PEAK1: variants seen among roughly 807,000 people sequenced by gnomAD.
PEAK1 encodes the protein inactive tyrosine-protein kinase PEAK1.
A neutral mutation model predicts 124.7 loss-of-function variants in PEAK1; 54 were observed. The observed-to-expected ratio is 0.43, with a 90% confidence interval of 0.35 to 0.54. The LOEUF (loss-of-function observed/expected upper bound fraction) is 0.54, where lower values mean the gene tolerates loss of function less well. PEAK1 is among the 20% of genes least tolerant of loss of function. PEAK1 has a pLI of 0.01. For synonymous variants in PEAK1, 719 were observed against 760.0 expected (o/e 0.95, Z 0.89); for missense variants, 2,046 against 2,134.5 (o/e 0.96, Z 0.82).
At chr15:77,345,124 G>C (rs1166867857) in intron 2 of PEAK1, among the ~76,000 whole-genome samples, 1 of 152,096 alleles carries the variant, frequency 6.6e-6, no homozygotes, top group Admixed American at 6.6e-5. Flanking sequence ...CTGGATCTTA[G>C]AGCAAAACCT....
At chr15:77,310,842 A>T (rs1191253871) in intron 2 of PEAK1, among the ~76,000 whole-genome samples, 1 of 152,226 alleles carries the variant, frequency 6.6e-6, no homozygotes, top group Non-Finnish European at 1.5e-5. Context: ...GGAATACCAC[A>T]TGCAAAGGTT....
At chr15:77,169,247 AG>A (rs2056337333) in intron 7 of PEAK1, among the ~76,000 whole-genome samples, 1 of 152,200 alleles carries the variant, frequency 6.6e-6, no homozygotes, top group African/African-American at 2.4e-5. Context: ...ATTTAAGCAC[AG>A]GTTGGCAATA....
chr15:77,168,307 C>A (rs1219299942), intron 7 of PEAK1, among the ~76,000 whole-genome samples: 1 of 151,556 alleles, frequency 6.6e-6, no homozygotes, highest in Non-Finnish European at 1.5e-5. Context: ...AGTACCAAAC[C>A]TTTCCAGTAT....
At chr15:77,296,884 C>T (rs529150100) in intron 2 of PEAK1, among the ~76,000 whole-genome samples, 1 of 151,650 alleles carries the variant, frequency 6.6e-6, no homozygotes, top group Non-Finnish European at 1.5e-5. Context: ...GGGACAAGCA[C>T]ACACACAGAA....
At chr15:77,296,951 C>T (rs1415578253) in intron 2 of PEAK1, among the ~76,000 whole-genome samples, 1 of 151,858 alleles carries the variant, frequency 6.6e-6, no homozygotes, top group Non-Finnish European at 1.5e-5. Context: ...AGATCAATCA[C>T]TGTCACATTA....
rs914188380 is a variant in PEAK1 at position 77,268,639 on chromosome 15, C to T, written c.-275+15244G>A. ...TTCTTGGCCTTGCTAGGGATCTAGA[C>T]ATCCAAATACAAAAAGCTCAAAGAA... is the stretch of plus-strand genomic sequence containing the variant. On this transcript the variant is annotated intron_variant, in intron 5 of 9. Coordinates refer to ENST00000682557, the MANE Select transcript of PEAK1 (RefSeq NM_001385026.1). 2.0e-4 allele frequency among the ~76,000 whole-genome samples: 31 copies of T among 152,040 alleles called. 1 individual carries two copies. The highest frequency in any genetic ancestry group is 3.4e-3 in the Middle Eastern group (1 of 294).
At chr15:77,416,375 A>G (rs1001121263) in intron 1 of PEAK1, among the ~76,000 whole-genome samples, 21 of 152,132 alleles carry the variant, frequency 1.4e-4, no homozygotes, top group Non-Finnish European at 1.5e-5. Context: ...CCCGTTAATA[A>G]TACTTCCTAA....
At chr15:77,395,004 G>A (rs1218808139) in intron 1 of PEAK1, among the ~76,000 whole-genome samples, 1 of 152,016 alleles carries the variant, frequency 6.6e-6, no homozygotes, top group African/African-American at 2.4e-5. Flanking sequence ...TAAAAATTAA[G>A]TTAAAAATTT....
chr15:77,284,121 A>C (rs1011714934), intron 4 of PEAK1, 91 bp from the exon 5 acceptor site: 34 of 582,372 alleles, frequency 5.8e-5, no homozygotes, highest in Non-Finnish European at 6.9e-5. Flanking sequence ...TGGTCATGTA[A>C]ACAATGAAGA....
In PEAK1 at chr15:77,252,471, G is replaced by A; in HGVS notation, c.-219C>T. The A allele has an allele frequency of 2.0e-6, 2 of 984,962 alleles. No homozygotes were observed. The highest frequency in any genetic ancestry group is 9.4e-5 in the South Asian group (2 of 21,282). The allele number at this position is 984,962 out of a possible 1,614,324, so 61.0% of individuals were successfully genotyped here. Reference sequence around the variant, plus strand: ...AAGGTGCTTTGGGTCTTTCCAAGATGAATGTCCTTTCTTCCTTGCCTCTCA... The same window carrying A: ...AAGGTGCTTTGGGTCTTTCCAAGATAAATGTCCTTTCTTCCTTGCCTCTCA... On this transcript the variant is annotated 5_prime_UTR_variant, in exon 6 of 10. Coordinates refer to ENST00000682557, the MANE Select transcript of PEAK1 (RefSeq NM_001385026.1).
chr15:77,151,861 T>C (rs548073714), intron 8 of PEAK1, among the ~76,000 whole-genome samples: 138 of 152,336 alleles, frequency 9.1e-4, no homozygotes, highest in African/African-American at 3.2e-3. Flanking sequence ...TTCTGTTCCA[T>C]TGATCTATAT....
At chr15:77,157,870 C>T (rs2055293457) in intron 8 of PEAK1, 2 of 152,244 alleles carry the variant, frequency 1.3e-5, no homozygotes, top group African/African-American at 4.8e-5. Context: ...CACATGGCAG[C>T]CTGCAGGATG....
At chr15:77,196,365 T>C (rs531785580) in intron 6 of PEAK1, among the ~76,000 whole-genome samples, 1 of 152,352 alleles carries the variant, frequency 6.6e-6, no homozygotes, top group Admixed American at 6.5e-5. Context: ...CTTTTTTGAA[T>C]GTGACAGAAA....
chr15:77,241,062 T>C (rs913312960), intron 6 of PEAK1, among the ~76,000 whole-genome samples: 3 of 152,144 alleles, frequency 2.0e-5, no homozygotes, highest in Non-Finnish European at 4.4e-5. Flanking sequence ...ATAAAAACTA[T>C]ACACCAATAT....
chr15:77,331,706 T>G (rs148598795), intron 2 of PEAK1, among the ~76,000 whole-genome samples: 3,684 of 152,066 alleles, frequency 0.024, 66 homozygotes, highest in Non-Finnish European at 0.039. Flanking sequence ...AACCTCCGCC[T>G]CCTGGGTCCA....
intron 1 of PEAK1, chr15:77,404,710 G>A (rs1010979422): frequency 2.7e-5 from 25 of 942,856 alleles, no homozygotes; most frequent in Non-Finnish European, 3.0e-5. Flanking sequence ...ATGATCATAG[G>A]AGAAGTAGGA....
chr15:77,355,179 G>T (rs183451455), intron 2 of PEAK1, among the ~76,000 whole-genome samples: 1 of 152,242 alleles, frequency 6.6e-6, no homozygotes, highest in Non-Finnish European at 1.5e-5. Flanking sequence ...GATTTATAAC[G>T]GAAAGTAGCA....
At chr15:77,343,901 G>C (rs1401088494) in intron 2 of PEAK1, among the ~76,000 whole-genome samples, 1 of 152,100 alleles carries the variant, frequency 6.6e-6, no homozygotes, top group Non-Finnish European at 1.5e-5. Context: ...TTATGTTTAG[G>C]TCTTTGATCA....
intron 8 of PEAK1, among the ~76,000 whole-genome samples, chr15:77,153,159 A>G (rs2054807136): frequency 6.6e-6 from 1 of 152,174 alleles, no homozygotes; most frequent in Admixed American, 6.5e-5. Flanking sequence ...TATTGCCACA[A>G]TTTCAGAGCC....
Sources: gnomAD v4.1 joint callset for allele counts (sites outside exome capture counted in the v4.1 genomes callset) on GRCh38, gnomAD v4.1.1 for gene constraint, MANE v1.5 for transcripts, NCBI Gene and HGNC (gene_info 2026-07-23, HGNC 2026-07-21) for gene names.